Variants in GRM8 observed in about 807,000 individuals in gnomAD.
The protein encoded by GRM8 is glutamate metabotropic receptor 8, also known as metabotropic glutamate receptor 8.
GRM8 carries 47 observed loss-of-function variants against 87.2 expected under a neutral mutation model. That is an observed-to-expected ratio of 0.54 (90% CI 0.43 to 0.69). The LOEUF (loss-of-function observed/expected upper bound fraction) is 0.69. Among genes scored for constraint, GRM8 ranks in the 30% least tolerant of loss-of-function variants. GRM8 has a pLI of 0.00. For synonymous variants in GRM8, 396 were observed against 404.5 expected, an observed-to-expected ratio of 0.98 and a Z score of 0.25; for missense variants, 1,019 against 1,139.2, an observed-to-expected ratio of 0.89 and a Z score of 1.52.
At position 127,098,578 on chromosome 7, in the gene GRM8, C is replaced by CA. The variant is rs1042407979; in HGVS notation, c.727+7917dup. Among the ~76,000 whole-genome samples, 251 of 145,970 alleles carry CA rather than the reference C, an allele frequency of 1.7e-3. 1 individual carries two copies. Among genetic ancestry groups the CA allele is most frequent in the East Asian group, 0.012 (61 of 5,036 alleles). On this transcript the variant is annotated intron_variant, in intron 3 of 10. Transcript: ENST00000339582. The stretch of plus-strand genomic sequence containing the variant: ...TCCTTACCTTATTGCTTGACCCTCA[C>CA]AAAAAAAAAACTATCAAACTTTTTG...
At chr7:126,946,615 A>G (rs759540157) in intron 3 of GRM8, among the ~76,000 whole-genome samples, 9 of 152,220 alleles carry the variant, frequency 5.9e-5, no homozygotes, top group Non-Finnish European at 1.0e-4. Flanking sequence ...TCCTAGCCAA[A>G]GCTATTCTAT....
At chr7:127,152,988 T>G (rs1021557598) in intron 2 of GRM8, among the ~76,000 whole-genome samples, 1 of 152,154 alleles carries the variant, frequency 6.6e-6, no homozygotes, top group Non-Finnish European at 1.5e-5. Context: ...GCTCTTCATT[T>G]TCTTAAAGTA....
At chr7:127,028,519 T>A (rs1817032787) in intron 3 of GRM8, among the ~76,000 whole-genome samples, 1 of 152,230 alleles carries the variant, frequency 6.6e-6, no homozygotes, top group African/African-American at 2.4e-5. Flanking sequence ...GAACCTGTTA[T>A]TGGTCTATTC....
rs190039554 is a variant in GRM8, at chr7:126,460,323, A to G, written c.2431-13951T>C. The stretch of plus-strand genomic sequence containing the variant: ...TAATATGAGACCAGTAATCTGCTAC[A>G]GTGTGTACTGATTACACAAATTGGC... On this transcript the variant is annotated intron_variant, in intron 9 of 10. Coordinates refer to ENST00000339582, the MANE Select transcript of GRM8 (RefSeq NM_000845.3). Among the ~76,000 whole-genome samples, 243 of 151,774 alleles carry G rather than the reference A, an allele frequency of 1.6e-3. 2 individuals are homozygous for G. The highest frequency in any genetic ancestry group is 5.4e-3 in the African/African-American group (226 of 41,506).
chr7:127,181,615 C>T (rs1030576238), intron 2 of GRM8, among the ~76,000 whole-genome samples: 4 of 152,046 alleles, frequency 2.6e-5, no homozygotes, highest in Non-Finnish European at 5.9e-5. Context: ...GCCATAGTCA[C>T]CCAAACAGCA....
intron 7 of GRM8, among the ~76,000 whole-genome samples, chr7:126,721,800 C>T (rs536071237): frequency 2.6e-5 from 4 of 152,182 alleles, no homozygotes; most frequent in Non-Finnish European, 5.9e-5. Flanking sequence ...CTACCCCATT[C>T]TCCAACTTTG....
At chr7:127,121,191 T>C (rs1287832383) in intron 2 of GRM8, among the ~76,000 whole-genome samples, 2 of 152,356 alleles carry the variant, frequency 1.3e-5, no homozygotes, top group Middle Eastern at 3.4e-3. Flanking sequence ...TTTATTTTCC[T>C]TTGCGCCCTC....
In GRM8 at chr7:126,788,420, A is replaced by AAAAAAACAAAAAAC; in HGVS notation, c.1157-18356_1157-18355insGTTTTTTGTTTTTT. 6.1e-3 allele frequency among the ~76,000 whole-genome samples: 492 copies of AAAAAAACAAAAAAC among 81,138 alleles called. 37 individuals are homozygous for AAAAAAACAAAAAAC. Among genetic ancestry groups the AAAAAAACAAAAAAC allele is most frequent in the African/African-American group, 0.021 (463 of 21,828 alleles). 53.2% of individuals were successfully genotyped at this position (81,138 alleles called of 152,430 possible). On this transcript the variant is annotated intron_variant, in intron 6 of 10. Coordinates refer to ENST00000339582, the MANE Select transcript of GRM8 (RefSeq NM_000845.3). Reference sequence around the variant, plus strand: ...GCAAGACTCCATCTCAAAAAAAAAAAAAACCCTTTCAGATATCTTTAACAT... The same window carrying AAAAAAACAAAAAAC: ...GCAAGACTCCATCTCAAAAAAAAAAAAAAAAACAAAAAACAAACCCTTTCAGATATCTTTAACAT...
intron 2 of GRM8, among the ~76,000 whole-genome samples, chr7:127,206,331 T>G (rs1795911014): frequency 6.6e-6 from 1 of 152,188 alleles, no homozygotes; most frequent in African/African-American, 2.4e-5. Context: ...AGTATATTAA[T>G]CCATTTAACC....
intron 7 of GRM8, among the ~76,000 whole-genome samples, chr7:126,637,259 A>G (rs552497171): frequency 1.3e-5 from 2 of 152,196 alleles, no homozygotes; most frequent in African/African-American, 2.4e-5. Context: ...AGGGAAGGAT[A>G]TGATAAGCAA....
chr7:126,755,451 A>T (rs1486861034), intron 7 of GRM8, among the ~76,000 whole-genome samples: 1 of 151,986 alleles, frequency 6.6e-6, no homozygotes, highest in Non-Finnish European at 1.5e-5. Flanking sequence ...TTTCAGAATA[A>T]ATACGGGGAC....
chr7:127,036,592 C>T (rs571716864), intron 3 of GRM8, among the ~76,000 whole-genome samples: 78 of 152,238 alleles, frequency 5.1e-4, no homozygotes, highest in South Asian at 1.2e-3. Flanking sequence ...TAGTATTGGC[C>T]CTAATAGGAT....
intron 9 of GRM8, among the ~76,000 whole-genome samples, chr7:126,471,918 G>A (rs1164979241): frequency 3.3e-5 from 5 of 152,186 alleles, no homozygotes; most frequent in South Asian, 2.1e-4. Context: ...TCCCTTGTGA[G>A]TTGGATTCCT....
intron 7 of GRM8, among the ~76,000 whole-genome samples, chr7:126,648,884 G>A (rs1006866870): frequency 1.3e-5 from 2 of 152,128 alleles, no homozygotes; most frequent in East Asian, 3.9e-4. Context: ...ATATTTACTG[G>A]AGTAGTTATC....
chr7:126,460,857 G>C (rs1563030201), intron 9 of GRM8, among the ~76,000 whole-genome samples: 1 of 151,490 alleles, frequency 6.6e-6, no homozygotes, highest in Non-Finnish European at 1.5e-5. Flanking sequence ...CCCTGCAACT[G>C]ACATAAGTTC....
At chr7:126,756,970 A>G (rs1405921999) in intron 7 of GRM8, among the ~76,000 whole-genome samples, 1 of 152,166 alleles carries the variant, frequency 6.6e-6, no homozygotes, top group African/African-American at 2.4e-5. Flanking sequence ...TTTCAAAAAA[A>G]TTATGGGTAT....
intron 3 of GRM8, among the ~76,000 whole-genome samples, chr7:126,973,194 C>T (rs767964832): frequency 7.9e-5 from 12 of 152,134 alleles, no homozygotes; most frequent in Non-Finnish European, 1.8e-4. Flanking sequence ...TTTCTCATAC[C>T]TTAGGTCTGC....
chr7:127,014,487 G>T (rs1053486594), intron 3 of GRM8, among the ~76,000 whole-genome samples: 1 of 152,068 alleles, frequency 6.6e-6, no homozygotes, highest in Non-Finnish European at 1.5e-5. Context: ...CCACTTGCTA[G>T]CTGTGTGCCT....
At chr7:126,818,037 C>T (rs1167017711) in intron 6 of GRM8, among the ~76,000 whole-genome samples, 1 of 152,044 alleles carries the variant, frequency 6.6e-6, no homozygotes, top group South Asian at 2.1e-4. Flanking sequence ...AAGTCTTAAA[C>T]TTCTTTGACT....
Sources: allele counts gnomAD v4.1 joint callset (sites outside exome capture counted in the v4.1 genomes callset), GRCh38; gene constraint gnomAD v4.1.1; transcripts MANE v1.5; gene names NCBI Gene and HGNC (gene_info 2026-07-23, HGNC 2026-07-21).